Variants in FRMD4B observed in about 807,000 individuals in gnomAD.
FRMD4B encodes the protein FERM domain containing 4B.
A neutral mutation model predicts 141.5 loss-of-function variants in FRMD4B; 74 were observed. The ratio of observed to expected loss-of-function variants is 0.52; its 90% CI spans 0.43 to 0.63. The LOEUF (loss-of-function observed/expected upper bound fraction) is 0.63. Among genes scored for constraint, FRMD4B ranks in the 30% least tolerant of loss-of-function variants. The pLI is 0.00. For missense variants in FRMD4B, 1,366 were observed against 1,253.4 expected (o/e 1.09, Z -1.36); for synonymous variants, 506 against 467.9 (o/e 1.08, Z -1.05).
At chr3:69,242,455 C>A (rs1372711821) in intron 7 of FRMD4B, among the ~76,000 whole-genome samples, 1 of 141,434 alleles carries the variant, frequency 7.1e-6, no homozygotes, top group Non-Finnish European at 1.5e-5. Context: ...CAAAGAAATT[C>A]CTTTCCCATG....
intron 8 of FRMD4B, among the ~76,000 whole-genome samples, chr3:69,222,141 A>G (rs1480457197): frequency 1.3e-5 from 2 of 151,942 alleles, no homozygotes; most frequent in Non-Finnish European, 2.9e-5. Flanking sequence ...TGTTTTATGT[A>G]GCATATTTAT....
rs1575628511 is a variant in FRMD4B, at chr3:69,224,751, G to C, written c.582-61C>G. The C allele has an allele frequency of 1.0e-5, 8 of 774,996 alleles. No homozygotes were observed. The South Asian group carries it at 1.2e-4, about 12-fold the overall frequency. 48.0% of individuals were successfully genotyped at this position (774,996 alleles called of 1,614,324 possible). On this transcript the variant is annotated intron_variant, in intron 7 of 22. Transcript: ENST00000398540. ...GTTATCCAAAAAATTATGCAAGCCGGTCACCAAATGAATTAGATTAAAAAA... is the reference window on the plus strand; with the variant it reads ...GTTATCCAAAAAATTATGCAAGCCGCTCACCAAATGAATTAGATTAAAAAA...
chr3:69,428,366 T>C (rs1705121059), intron 2 of FRMD4B, among the ~76,000 whole-genome samples: 1 of 149,026 alleles, frequency 6.7e-6, no homozygotes, highest in Admixed American at 6.6e-5. Flanking sequence ...TTAACACTTG[T>C]AAAGTTCCTA....
intron 1 of FRMD4B, among the ~76,000 whole-genome samples, chr3:69,515,921 G>C (rs903236061): frequency 6.6e-6 from 1 of 152,142 alleles, no homozygotes; most frequent in African/African-American, 2.4e-5. Context: ...TGGTTAAGCA[G>C]AATAACTGCT....
intron 21 of FRMD4B, among the ~76,000 whole-genome samples, chr3:69,178,887 G>A (rs927881734): frequency 1.3e-5 from 2 of 151,548 alleles, no homozygotes; most frequent in African/African-American, 4.9e-5. Context: ...GTAATGTTCT[G>A]AATGTGCATG....
intron 17 of FRMD4B, among the ~76,000 whole-genome samples, chr3:69,191,801 A>G (rs1177401113): frequency 6.6e-6 from 1 of 152,178 alleles, no homozygotes; most frequent in Non-Finnish European, 1.5e-5. Flanking sequence ...CTAATCACCC[A>G]TATCTGTAGG....
intron 1 of FRMD4B, among the ~76,000 whole-genome samples, chr3:69,503,049 G>A (rs540789188): frequency 6.6e-6 from 1 of 152,316 alleles, no homozygotes; most frequent in South Asian, 2.1e-4. Flanking sequence ...ATGCTGGAGA[G>A]GATATGGAGA....
At chr3:69,273,912 T>C (rs1383021387) in intron 5 of FRMD4B, among the ~76,000 whole-genome samples, 2 of 140,292 alleles carry the variant, frequency 1.4e-5, no homozygotes, top group African/African-American at 2.6e-5. Flanking sequence ...ATGGTGGTGG[T>C]AGACAAGGAA....
At chr3:69,346,995 T>C (rs536077353) in intron 1 of FRMD4B, among the ~76,000 whole-genome samples, 2 of 152,186 alleles carry the variant, frequency 1.3e-5, no homozygotes, top group African/African-American at 2.4e-5. Flanking sequence ...TAACCTTAAA[T>C]GTAAATGGGC....
chr3:69,428,016 AT>A (rs1368930815), intron 2 of FRMD4B, among the ~76,000 whole-genome samples: 1 of 152,116 alleles, frequency 6.6e-6, no homozygotes, highest in Non-Finnish European at 1.5e-5. Flanking sequence ...TCATTTACAT[AT>A]TTCAAGTTAA....
intron 5 of FRMD4B, among the ~76,000 whole-genome samples, chr3:69,270,652 A>C (rs1195768886): frequency 6.8e-6 from 1 of 148,062 alleles, no homozygotes; most frequent in Admixed American, 7.0e-5. Flanking sequence ...TGCAACCTCC[A>C]TCTCCCAGGT....
chr3:69,379,518 A>T (rs1343446531), intron 1 of FRMD4B, among the ~76,000 whole-genome samples: 1 of 152,124 alleles, frequency 6.6e-6, no homozygotes, highest in African/African-American at 2.4e-5. Context: ...GGCTCAAGTG[A>T]CCTGCCCGCC....
At chr3:69,246,089 G>A (rs945581330) in intron 7 of FRMD4B, among the ~76,000 whole-genome samples, 3 of 152,016 alleles carry the variant, frequency 2.0e-5, no homozygotes, top group African/African-American at 4.8e-5. Context: ...CACCTGCCTC[G>A]GCCTCCCAAA....
intron 3 of FRMD4B, among the ~76,000 whole-genome samples, chr3:69,304,547 T>C (rs543999714): frequency 6.7e-6 from 1 of 149,624 alleles, no homozygotes; most frequent in Non-Finnish European, 1.5e-5. Flanking sequence ...CTTCTGTATA[T>C]ATATTATGGG....
intron 7 of FRMD4B, among the ~76,000 whole-genome samples, chr3:69,227,664 AAAAAAAAAAAAG>A (rs200068376): frequency 0.03 from 4,034 of 136,352 alleles, 193 homozygotes; most frequent in African/African-American, 0.11. Context: ...CTTTGTCTCA[AAAAAAAAAAAAG>A]AAAAGAAAAA....
intron 2 of FRMD4B, among the ~76,000 whole-genome samples, chr3:69,427,148 C>T (rs1419281734): frequency 3.0e-4 from 46 of 151,694 alleles, no homozygotes; most frequent in Admixed American, 3.0e-3. Context: ...TGGAAAATCC[C>T]TAATACAAAG....
At chr3:69,439,540 C>A (rs1428216970) in intron 1 of FRMD4B, among the ~76,000 whole-genome samples, 3 of 152,184 alleles carry the variant, frequency 2.0e-5, no homozygotes, top group Non-Finnish European at 4.4e-5. Flanking sequence ...TTGTACAGTG[C>A]ATGAGAGTCC....
intron 4 of FRMD4B, among the ~76,000 whole-genome samples, chr3:69,301,729 G>T (rs571115257): frequency 6.6e-6 from 1 of 152,318 alleles, no homozygotes; most frequent in South Asian, 2.1e-4. Flanking sequence ...TTAGCTGAAT[G>T]CATCCATTTC....
intron 4 of FRMD4B, among the ~76,000 whole-genome samples, chr3:69,288,888 C>G (rs947655703): frequency 2.6e-5 from 4 of 152,176 alleles, no homozygotes; most frequent in African/African-American, 9.7e-5. Flanking sequence ...TTCTCCCTTT[C>G]CACAGTGATG....
Sources: allele counts gnomAD v4.1 joint callset (sites outside exome capture counted in the v4.1 genomes callset), GRCh38; gene constraint gnomAD v4.1.1; transcripts MANE v1.5; gene names NCBI Gene and HGNC (gene_info 2026-07-23, HGNC 2026-07-21).